The following MARK4 variants were observed in gnomAD, a reference collection of about 807,000 sequenced individuals.
MARK4 encodes microtubule affinity regulating kinase 4.
MARK4 carries 19 observed loss-of-function variants against 81.5 expected under a neutral mutation model. The observed-to-expected ratio is 0.23, with a 90% confidence interval of 0.16 to 0.34. MARK4 has a LOEUF of 0.34. Ranked by LOEUF, MARK4 falls within the 10% of genes least tolerant of loss-of-function variation. The pLI, the probability that MARK4 is intolerant of heterozygous loss-of-function variation, is 1.00. For synonymous variants in MARK4, 436 were observed against 439.0 expected (o/e 0.99, Z 0.08); for missense variants, 772 against 1,058.8 (o/e 0.73, Z 3.76).
chr19:45,284,141 C>T (rs953319765), intron 12 of MARK4, among the ~76,000 whole-genome samples: 1 of 151,960 alleles, frequency 6.6e-6, no homozygotes, highest in Admixed American at 6.6e-5. Context: ...CCTCAGGCCC[C>T]CGAGCTGGAA....
intron 14 of MARK4, among the ~76,000 whole-genome samples, chr19:45,296,950 T>A (rs1052395674): frequency 6.6e-6 from 1 of 151,004 alleles, no homozygotes; most frequent in African/African-American, 2.4e-5. Flanking sequence ...CTCAGGAGGC[T>A]GAGGCAGGAG....
At chr19:45,275,729 C>G (rs980693378) in intron 8 of MARK4, among the ~76,000 whole-genome samples, 1 of 152,236 alleles carries the variant, frequency 6.6e-6, no homozygotes, top group Non-Finnish European at 1.5e-5. Flanking sequence ...GACCAAACCC[C>G]TCCAGGCCTC....
At position 45,271,459 on chromosome 19, in the gene MARK4, T is replaced by C. The variant is rs927516363; in HGVS notation, c.550-13T>C. The C allele has an allele frequency of 5.0e-6, 8 of 1,613,004 alleles. No individual in the cohort carries two copies. The African/African-American group carries it at 5.3e-5, about 11-fold the overall frequency. ...TGAGTCCCACTTTCCGCCCTCTCCT[T>C]CTCTCCCTGCAGGCTGAGAACCTCT... On this transcript the variant is annotated splice_polypyrimidine_tract_variant and intron_variant, in intron 7 of 16. Transcript: ENST00000262891. The surrounding 1 kb of genome is among the most constrained non-coding windows in gnomAD (Gnocchi z 4.1).
chr19:45,282,093 C>CAT (rs1568498478), intron 12 of MARK4, among the ~76,000 whole-genome samples: 2 of 151,722 alleles, frequency 1.3e-5, no homozygotes, highest in Non-Finnish European at 2.9e-5. Context: ...CGTGTTGGTG[C>CAT]GTGCCTATAA....
At chr19:45,269,913 A>T (rs185880153) in intron 7 of MARK4, among the ~76,000 whole-genome samples, 16 of 152,128 alleles carry the variant, frequency 1.1e-4, no homozygotes, top group African/African-American at 3.9e-4. Flanking sequence ...GAGTACAGTG[A>T]TGCAGTTTCA....
intron 14 of MARK4, among the ~76,000 whole-genome samples, chr19:45,295,657 C>A (rs1970877693): frequency 6.6e-6 from 1 of 152,090 alleles, no homozygotes; most frequent in Non-Finnish European, 1.5e-5. Flanking sequence ...TGCATGTAAT[C>A]CCAGCTACTC....
chr19:45,296,896 A>G (rs1375121700), intron 14 of MARK4, among the ~76,000 whole-genome samples: 2 of 152,166 alleles, frequency 1.3e-5, no homozygotes, highest in Non-Finnish European at 2.9e-5. Flanking sequence ...CTGAAAATAC[A>G]TAAACTACCC....
Position 45,302,848 on chromosome 19 carries a change from T to A in MARK4, c.*138T>A. The stretch of plus-strand genomic sequence containing the variant: ...GAATTATATTTGGGGGCAAAGATTG[T>A]CCCCTCTGCTGTTCTCTGGGGCCGC... On this transcript the variant is annotated 3_prime_UTR_variant, in exon 17 of 17. Transcript: ENST00000262891. The surrounding 1 kb of genome is among the most constrained non-coding windows in gnomAD (Gnocchi z 4.9). 1 of 1,317,700 alleles carries A rather than the reference T, an allele frequency of 7.6e-7. No homozygotes were observed. Among genetic ancestry groups the A allele is most frequent in the Non-Finnish European group, 1.0e-6 (1 of 981,574 alleles). The allele number at this position is 1,317,700 out of a possible 1,614,324, so 81.6% of individuals were successfully genotyped here.
At chr19:45,285,261 CAAAAAAAAAA>C (rs71173139) in intron 12 of MARK4, among the ~76,000 whole-genome samples, 3 of 57,108 alleles carry the variant, frequency 5.3e-5, no homozygotes, top group South Asian at 7.0e-4. Flanking sequence ...TGCCGTGTCT[CAAAAAAAAAA>C]AAAAAAAAAA....
At chr19:45,290,906 C>G (rs558039536) in intron 13 of MARK4, among the ~76,000 whole-genome samples, 1 of 152,190 alleles carries the variant, frequency 6.6e-6, no homozygotes, top group East Asian at 1.9e-4. Flanking sequence ...TGGGGATGGG[C>G]CAGGAGAGGG....
In MARK4 at chr19:45,271,713, C is replaced by T. The variant is rs55868270; in HGVS notation, c.786+5C>T. 5.6e-3 allele frequency: 9,012 copies of T among 1,613,370 alleles called. 34 individuals are homozygous for T. Among genetic ancestry groups the T allele is most frequent in the Non-Finnish European group, 7.0e-3 (8,296 of 1,179,584 alleles). On this transcript the variant is annotated splice_donor_5th_base_variant and intron_variant, in intron 8 of 16. Transcript: ENST00000262891. This position sits in a 1 kb window ranked among gnomAD's most constrained non-coding sequence, Gnocchi z 4.1. The stretch of plus-strand genomic sequence containing the variant: ...TTCGACGGGCACAACCTCAAGGTAC[C>T]GAGAGGGGCTGGGTGCAGGGGCATC...
chr19:45,277,977 A>G lies in MARK4; in HGVS notation c.841A>G (p.Thr281Ala), dbSNP rs1441904414. 6.2e-7 allele frequency: 1 copy of G among 1,613,858 alleles called. No homozygotes were observed. The highest frequency in any genetic ancestry group is 1.1e-5 in the South Asian group (1 of 91,052). The change falls in exon 9 of 17, where the codon ACA becomes GCA. Residue 281 changes from threonine (T) to alanine (A), a missense_variant. By Grantham distance (58) the Thr-to-Ala change is moderately conservative. Around this residue, in one of 3 missense-constraint regions of MARK4, gnomAD observed 109 missense variants for 294.7 expected, o/e 0.37. Transcript: ENST00000262891. The part of the protein sequence containing the change: ...GKYRVPFYMS[T>A]DCESILRRFL... ...GTACCGGGTCCCTTTCTACATGTCAACAGACTGTGAGAGCATCCTGCGGAG... is the reference window on the plus strand; with the variant it reads ...GTACCGGGTCCCTTTCTACATGTCAGCAGACTGTGAGAGCATCCTGCGGAG...
chr19:45,287,660 C>T lies in MARK4; in HGVS notation c.1490C>T (p.Thr497Ile). The T allele has an allele frequency of 1.2e-6, 2 of 1,603,110 alleles. No homozygotes were observed. Among genetic ancestry groups the T allele is most frequent in the Non-Finnish European group, 1.7e-6 (2 of 1,173,074 alleles). ...IPERRKDSTS[T>I]PNNLPPSMMT... ...GAGCGGCGGAAGGACAGCACGAGCA[C>T]CCCCGTGAGTGACCAGGGCTGGGGG... The change falls in exon 13 of 17, where the codon ACC becomes ATC. Residue 497 changes from threonine to isoleucine, a missense_variant. By Grantham distance (89) the Thr-to-Ile change is moderately conservative (BLOSUM62 -1). Transcript: ENST00000262891.
intron 8 of MARK4, among the ~76,000 whole-genome samples, chr19:45,273,607 C>T (rs1250302831): frequency 3.3e-5 from 5 of 152,288 alleles, no homozygotes; most frequent in South Asian, 2.1e-4. Flanking sequence ...TTCTCAGCCT[C>T]TCTTTTGTCT....
chr19:45,273,209 A>G (rs1180494645), intron 8 of MARK4, among the ~76,000 whole-genome samples: 1 of 152,108 alleles, frequency 6.6e-6, no homozygotes, highest in Non-Finnish European at 1.5e-5. Context: ...AGTAGAGCAA[A>G]TAACACATGG....
intron 12 of MARK4, among the ~76,000 whole-genome samples, chr19:45,281,746 T>TTAATCCAAA (rs1305391499): frequency 6.6e-6 from 1 of 152,148 alleles, no homozygotes; most frequent in Non-Finnish European, 1.5e-5. Flanking sequence ...CAAGTTTGAA[T>TTAATCCAAA]TAATCCATTG....
At chr19:45,277,433 ATT>A (rs35920861) in intron 8 of MARK4, among the ~76,000 whole-genome samples, 12 of 131,808 alleles carry the variant, frequency 9.1e-5, no homozygotes, top group Admixed American at 7.7e-5. Flanking sequence ...TGTAGCTTAA[ATT>A]TTTTTTTTTT....
At chr19:45,279,484 T>C (rs1970644306) in intron 10 of MARK4, among the ~76,000 whole-genome samples, 1 of 152,170 alleles carries the variant, frequency 6.6e-6, no homozygotes. Context: ...ACCACTGTAC[T>C]CCACCCTGGG....
intron 12 of MARK4, among the ~76,000 whole-genome samples, chr19:45,285,261 CAAAAA>C (rs71173139): frequency 0.019 from 1,079 of 57,076 alleles, 15 homozygotes; most frequent in African/African-American, 0.066. Context: ...TGCCGTGTCT[CAAAAA>C]AAAAAAAAAA....
Sources: allele counts gnomAD v4.1 joint callset (sites outside exome capture counted in the v4.1 genomes callset), GRCh38; gene constraint gnomAD v4.1.1; regional missense constraint gnomAD v4.1.1; non-coding constraint Gnocchi (gnomAD v3.1); transcripts MANE v1.5; gene names NCBI Gene and HGNC (gene_info 2026-07-23, HGNC 2026-07-21).